CSMD1: variants seen among roughly 807,000 people sequenced by gnomAD.
The protein encoded by CSMD1 is CUB and Sushi multiple domains 1.
In CSMD1, 213 loss-of-function variants were observed where a neutral mutation model predicts 417.5. That is an observed-to-expected ratio of 0.51 (90% CI 0.46 to 0.57). The LOEUF (loss-of-function observed/expected upper bound fraction) is 0.57, where lower values mean the gene tolerates loss of function less well. Among genes scored for constraint, CSMD1 ranks in the 20% least tolerant of loss-of-function variants. The probability of loss-of-function intolerance (pLI) is 0.00; values close to 1 mark genes in which losing one functional copy is unlikely to be tolerated. For synonymous variants in CSMD1, 2,862 were observed against 1,736.8 expected (o/e 1.65, Z -16.11); for missense variants, 6,923 against 4,529.7 (o/e 1.53, Z -15.17).
intron 5 of CSMD1, among the ~76,000 whole-genome samples, chr8:3,940,744 T>C (rs577268571): frequency 1.3e-5 from 2 of 152,006 alleles, no homozygotes; most frequent in Non-Finnish European, 2.9e-5. Flanking sequence ...AAGTAGCTTA[T>C]TTTTCAAATT....
intron 3 of CSMD1, among the ~76,000 whole-genome samples, chr8:4,056,624 T>A (rs910373000): frequency 1.4e-4 from 21 of 151,766 alleles, no homozygotes; most frequent in African/African-American, 4.6e-4. Flanking sequence ...CATGCTGGGG[T>A]CCTGCACCCA....
At chr8:4,302,173 G>A (rs573725792) in intron 3 of CSMD1, among the ~76,000 whole-genome samples, 2 of 152,272 alleles carry the variant, frequency 1.3e-5, no homozygotes, top group South Asian at 2.1e-4. Context: ...ATTGCCAGGT[G>A]GAACTTGAGG....
chr8:3,125,688 G>A (rs7828712), intron 41 of CSMD1, among the ~76,000 whole-genome samples: 4,077 of 152,254 alleles, frequency 0.027, 193 homozygotes, highest in African/African-American at 0.093. Flanking sequence ...TTAAAAAGTT[G>A]AATTAAGGCC....
intron 18 of CSMD1, among the ~76,000 whole-genome samples, chr8:3,372,036 C>G (rs915641402): frequency 6.6e-6 from 1 of 152,086 alleles, no homozygotes; most frequent in Non-Finnish European, 1.5e-5. Context: ...TTGGAAAAGA[C>G]AGGATAAAAC....
intron 6 of CSMD1, among the ~76,000 whole-genome samples, chr8:3,735,781 T>A (rs1031624533): frequency 2.0e-5 from 3 of 152,216 alleles, no homozygotes; most frequent in African/African-American, 7.2e-5. Context: ...ATACCACACA[T>A]GCTCCTTGCT....
intron 3 of CSMD1, among the ~76,000 whole-genome samples, chr8:4,220,313 T>A (rs933512792): frequency 1.3e-5 from 2 of 152,042 alleles, no homozygotes; most frequent in African/African-American, 2.4e-5. Context: ...GACTGGAAAT[T>A]TGAAGCGTGA....
intron 26 of CSMD1, among the ~76,000 whole-genome samples, chr8:3,276,347 T>A (rs969562830): frequency 3.9e-5 from 6 of 152,128 alleles, no homozygotes; most frequent in Non-Finnish European, 8.8e-5. Flanking sequence ...AATGCAGAAA[T>A]CACCCATCTT....
chr8:3,692,032 C>A (rs946999084), intron 7 of CSMD1, among the ~76,000 whole-genome samples: 3 of 152,180 alleles, frequency 2.0e-5, no homozygotes, highest in African/African-American at 7.2e-5. Context: ...ATCAGCAGAG[C>A]CGTCACTCAG....
chr8:4,057,568 T>C (rs1798760815), intron 3 of CSMD1, among the ~76,000 whole-genome samples: 1 of 152,046 alleles, frequency 6.6e-6, no homozygotes, highest in Non-Finnish European at 1.5e-5. Context: ...TTGGCTTTTG[T>C]TGCCATTGCT....
At chr8:4,597,573 CA>C (rs1245571565) in intron 2 of CSMD1, among the ~76,000 whole-genome samples, 13 of 151,022 alleles carry the variant, frequency 8.6e-5, no homozygotes, top group Admixed American at 4.0e-4. Flanking sequence ...AACAATGCAA[CA>C]AAAAAAGAAA....
intron 8 of CSMD1, among the ~76,000 whole-genome samples, chr8:3,591,486 C>T (rs1392009430): frequency 1.3e-5 from 2 of 152,132 alleles, no homozygotes; most frequent in Non-Finnish European, 2.9e-5. Flanking sequence ...GGTATCATAA[C>T]TATTTTTGAA....
intron 8 of CSMD1, among the ~76,000 whole-genome samples, chr8:3,596,419 G>A (rs1801097989): frequency 1.3e-5 from 2 of 152,196 alleles, no homozygotes; most frequent in East Asian, 1.9e-4. Flanking sequence ...CAACAATGGA[G>A]GAGGCTGATT....
chr8:3,520,360 A>G (rs1797457175), intron 10 of CSMD1, among the ~76,000 whole-genome samples: 1 of 152,190 alleles, frequency 6.6e-6, no homozygotes, highest in African/African-American at 2.4e-5. Flanking sequence ...TTGACTAATA[A>G]TTATGATCCT....
chr8:4,750,397 A>G (rs1811238260), intron 1 of CSMD1, among the ~76,000 whole-genome samples: 1 of 152,174 alleles, frequency 6.6e-6, no homozygotes. Flanking sequence ...TCAAGATTCA[A>G]TTTCCTTAGG....
intron 3 of CSMD1, among the ~76,000 whole-genome samples, chr8:4,143,834 T>A (rs1276310369): frequency 6.6e-6 from 1 of 151,140 alleles, no homozygotes; most frequent in African/African-American, 2.5e-5. Context: ...TTTCTGGGAT[T>A]TAAGTACTTA....
chr8:3,739,791 G>C (rs895392103), intron 6 of CSMD1, among the ~76,000 whole-genome samples: 4 of 17,986 alleles, frequency 2.2e-4, no homozygotes, highest in Non-Finnish European at 5.3e-3. Context: ...ATGGAAAAAG[G>C]TAAAAAAAAA....
intron 12 of CSMD1, among the ~76,000 whole-genome samples, chr8:3,436,943 A>T (rs1027086011): frequency 1.3e-5 from 2 of 152,150 alleles, no homozygotes; most frequent in Non-Finnish European, 2.9e-5. Context: ...AAAGAGTGTG[A>T]AGCTAAAAAA....
At position 4,925,923 on chromosome 8, in the gene CSMD1, T is replaced by G. The variant is rs186686124; in HGVS notation, c.85+68409A>C. Among the ~76,000 whole-genome samples, 1,410 of 152,324 alleles carry G rather than the reference T, an allele frequency of 9.3e-3. 15 individuals are homozygous for G. The highest frequency in any genetic ancestry group is 0.032 in the African/African-American group (1,324 of 41,574). On this transcript the variant is annotated intron_variant, in intron 1 of 69. Coordinates refer to ENST00000635120, the MANE Select transcript of CSMD1 (RefSeq NM_033225.6). ...CAAAACATATCTTTTATTTCCCTGG[T>G]CATTTGATGCATTTCCAGCCAGAGG...
chr8:3,931,325 G>C (rs1810122025), intron 5 of CSMD1, among the ~76,000 whole-genome samples: 1 of 150,456 alleles, frequency 6.6e-6, no homozygotes, highest in African/African-American at 2.5e-5. Context: ...AGAACTAGAA[G>C]TCAGCAGAAA....
Sources: allele counts gnomAD v4.1 joint callset (sites outside exome capture counted in the v4.1 genomes callset), GRCh38; gene constraint gnomAD v4.1.1; transcripts MANE v1.5; gene names NCBI Gene and HGNC (gene_info 2026-07-23, HGNC 2026-07-21).